Variants in GPHN observed in about 807,000 individuals in gnomAD.
The protein encoded by GPHN is gephyrin.
A neutral mutation model predicts 95.5 loss-of-function variants in GPHN; 17 were observed. The ratio of observed to expected loss-of-function variants is 0.18; its 90% CI spans 0.12 to 0.27. The LOEUF (loss-of-function observed/expected upper bound fraction) is 0.27. GPHN is among the 10% of genes least tolerant of loss of function. The pLI is 1.00. For missense variants in GPHN, 660 were observed against 978.1 expected (o/e 0.67, Z 4.34); for synonymous variants, 320 against 322.5 (o/e 0.99, Z 0.08).
In GPHN at chr14:66,856,735, C is replaced by T. The variant is rs117974553; in HGVS notation, c.295-23204C>T. 3.4e-3 allele frequency among the ~76,000 whole-genome samples: 514 copies of T among 152,002 alleles called. 1 individual carries two copies. Among genetic ancestry groups the T allele is most frequent in the Non-Finnish European group, 6.1e-3 (414 of 67,896 alleles). ...TGAAATAATATGCAAAAACTTGATA[C>T]AGCATCAAGTTTTTTCTAAATGTAC... is the stretch of plus-strand genomic sequence containing the variant. On this transcript the variant is annotated intron_variant, in intron 4 of 22. Coordinates refer to ENST00000478722, the MANE Select transcript of GPHN (RefSeq NM_020806.5).
the GPHN span, among the ~76,000 whole-genome samples, chr14:67,643,197 T>C: frequency 6.6e-6 from 1 of 152,344 alleles, no homozygotes; most frequent in South Asian, 2.1e-4. Context: ...TGTACTTTAT[T>C]GAGCACTGTT....
In GPHN at chr14:66,872,094, C is replaced by T. The variant is rs147726386; in HGVS notation, c.295-7845C>T. 3.0e-3 allele frequency among the ~76,000 whole-genome samples: 455 copies of T among 152,232 alleles called. 3 individuals carry two copies. The highest frequency in any genetic ancestry group is 0.011 in the African/African-American group (437 of 41,534). ...GTAAATTGCATCAATTCTGCTAATC[C>T]TGTATTCTGTATAATTGGAAGGGAT... On this transcript the variant is annotated intron_variant, in intron 4 of 22. Coordinates refer to ENST00000478722, the MANE Select transcript of GPHN (RefSeq NM_020806.5).
chr14:67,674,751 C>A, the GPHN span: 1 of 342,700 alleles, frequency 2.9e-6, no homozygotes, highest in Non-Finnish European at 5.3e-6. Context: ...CCTGAGGGAG[C>A]GGTGCCGCGC....
chr14:66,788,052 G>A (rs539449936), intron 3 of GPHN, among the ~76,000 whole-genome samples: 13 of 152,254 alleles, frequency 8.5e-5, no homozygotes, highest in Non-Finnish European at 1.5e-4. Context: ...ACTGCAGGCC[G>A]GGTGCAGTGG....
chr14:67,593,857 G>A, the GPHN span: 146,877 of 1,611,808 alleles, frequency 0.091, 7,107 homozygotes, highest in Middle Eastern at 0.13. Context: ...GGGAATCAAT[G>A]ATTAACAGAG....
At chr14:66,849,924 A>C (rs938827559) in intron 4 of GPHN, among the ~76,000 whole-genome samples, 5 of 152,096 alleles carry the variant, frequency 3.3e-5, no homozygotes, top group Non-Finnish European at 7.4e-5. Context: ...TTTATCACTC[A>C]TGCTCTTAAC....
At chr14:67,454,817 G>A in the GPHN span, 2 of 152,072 alleles carry the variant, frequency 1.3e-5, no homozygotes, top group Non-Finnish European at 2.9e-5. Context: ...TCCTCTGGAA[G>A]AGGTGACATC....
chr14:66,831,539 CTAA>C (rs2061579743), intron 4 of GPHN, among the ~76,000 whole-genome samples: 1 of 152,076 alleles, frequency 6.6e-6, no homozygotes, highest in Non-Finnish European at 1.5e-5. Flanking sequence ...ATATCTTTGT[CTAA>C]ACACGTTGGC....
the GPHN span, chr14:67,228,473 G>A: frequency 0.14 from 26,951 of 196,306 alleles, 4,246 homozygotes; most frequent in East Asian, 0.43. Context: ...ACAGCTCAGG[G>A]AAAGACAATC....
At chr14:67,361,280 T>C in the GPHN span, among the ~76,000 whole-genome samples, 1 of 152,344 alleles carries the variant, frequency 6.6e-6, no homozygotes. Flanking sequence ...TTCCCCTCAA[T>C]TGAGTTGTTA....
the GPHN span, chr14:67,302,275 AGTT>A: frequency 3.8e-6 from 4 of 1,045,026 alleles, no homozygotes; most frequent in Non-Finnish European, 5.1e-6. Flanking sequence ...CAATTACTCT[AGTT>A]GTGTAAATAA....
At chr14:67,289,062 G>A in the GPHN span, among the ~76,000 whole-genome samples, 1 of 149,354 alleles carries the variant, frequency 6.7e-6, no homozygotes, top group Non-Finnish European at 1.5e-5. Context: ...CGCCACCCAG[G>A]TTCAAGTGAT....
At chr14:66,718,687 G>A (rs2070434137) in intron 2 of GPHN, among the ~76,000 whole-genome samples, 1 of 152,058 alleles carries the variant, frequency 6.6e-6, no homozygotes, top group African/African-American at 2.4e-5. Context: ...TGTGCTGATT[G>A]GTGCGTTTAC....
intron 12 of GPHN, among the ~76,000 whole-genome samples, chr14:67,091,179 T>C (rs189147777): frequency 6.6e-6 from 1 of 152,112 alleles, no homozygotes; most frequent in East Asian, 1.9e-4. Context: ...AGGAAGATTA[T>C]CTTGGATTCA....
the GPHN span, chr14:67,735,151 T>C: frequency 1.1e-6 from 1 of 898,694 alleles, no homozygotes. Flanking sequence ...GACATGTTGT[T>C]GGCATTTTCA....
chr14:66,912,017 C>T (rs983640566), intron 5 of GPHN, among the ~76,000 whole-genome samples: 4 of 152,004 alleles, frequency 2.6e-5, no homozygotes, highest in African/African-American at 7.2e-5. Context: ...ACTTTGCAGC[C>T]AGAAATATCT....
the GPHN span, among the ~76,000 whole-genome samples, chr14:67,517,237 G>A: frequency 1.7e-3 from 262 of 152,090 alleles, no homozygotes; most frequent in African/African-American, 6.0e-3. Flanking sequence ...GGCATAGTAC[G>A]CCTAATCTCC....
chr14:67,587,084 C>G, the GPHN span: 1 of 1,605,568 alleles, frequency 6.2e-7, no homozygotes, highest in East Asian at 2.2e-5. Context: ...ATTGCAGAAG[C>G]TACCTTCATC....
At chr14:67,618,228 G>A in the GPHN span, among the ~76,000 whole-genome samples, 1 of 152,116 alleles carries the variant, frequency 6.6e-6, no homozygotes, top group African/African-American at 2.4e-5. Context: ...ATTCCTGGAG[G>A]GCTTGTTAAA....
Sources: gnomAD v4.1 joint callset for allele counts (sites outside exome capture counted in the v4.1 genomes callset) on GRCh38, gnomAD v4.1.1 for gene constraint, MANE v1.5 for transcripts, NCBI Gene and HGNC (gene_info 2026-07-23, HGNC 2026-07-21) for gene names.